The following PRAC2 variants were observed in gnomAD, a reference collection of about 807,000 sequenced individuals.
PRAC2 encodes protein PRAC2.
For synonymous variants in PRAC2, 43 were observed against 49.5 expected (o/e 0.87, Z 0.55); for missense variants, 92 against 114.5 (o/e 0.80, Z 0.90).
At chr17:48,721,978 A>G, upstream of PRAC2, 3 of 1,375,724 alleles carry the variant, frequency 2.2e-6, no homozygotes, top group Non-Finnish European at 2.9e-6. Context: ...CCAGGACTCC[A>G]TCCCATTGGA....
upstream of PRAC2, chr17:48,722,671 A>C: frequency 2.2e-6 from 1 of 447,178 alleles, no homozygotes; most frequent in South Asian, 2.7e-5. Context: ...CTCCCCGCAA[A>C]CCTCCGAATC....
chr17:48,719,847 G>C (rs1017287560), upstream of PRAC2, among the ~76,000 whole-genome samples: 2 of 152,108 alleles, frequency 1.3e-5, no homozygotes, highest in African/African-American at 4.8e-5. Context: ...AAAGCCGCGC[G>C]AGGCCCGGTT....
rs980321555 is a variant in PRAC2, at chr17:48,723,584, C to T, written c.-84+271C>T. The T allele has an allele frequency of 2.6e-5, 17 of 661,574 alleles. No homozygotes were observed. The African/African-American group carries it at 2.6e-4, about 10-fold the overall frequency. 41.0% of individuals were successfully genotyped at this position (661,574 alleles called of 1,614,324 possible). A position where few individuals can be genotyped will look rare whatever the true frequency, so the allele number is the denominator to read the frequency against. ...CCTGCTTCGAGGGCTTTCCAGCTTC[C>T]GGCCCGGGAACTACTATTTGGAGTA... On this transcript the variant is annotated intron_variant, in intron 1 of 1. Transcript: ENST00000422730.
chr17:48,720,564 A>T (rs1417230153), upstream of PRAC2, among the ~76,000 whole-genome samples: 2 of 152,186 alleles, frequency 1.3e-5, no homozygotes, highest in African/African-American at 4.8e-5. Flanking sequence ...CTCAGGTCAC[A>T]TATGGGGAAG....
chr17:48,719,189 A>G (rs1241461432), upstream of PRAC2, among the ~76,000 whole-genome samples: 1 of 148,624 alleles, frequency 6.7e-6, no homozygotes, highest in Non-Finnish European at 1.5e-5. Context: ...TTCTTTAAAC[A>G]CACTCGCACG....
At chr17:48,724,201 T>C (rs2143052813) in intron 1 of PRAC2, 127 bp from the exon 2 acceptor site, 2 of 449,634 alleles carry the variant, frequency 4.4e-6, no homozygotes, top group Non-Finnish European at 7.3e-6. Context: ...GATTTTGTTG[T>C]GATTTAAACA....
At position 48,724,435 on chromosome 17, in the gene PRAC2, C is replaced by A. The variant is rs775484364; in HGVS notation, c.25C>A (p.Arg9=). 3 of 1,234,298 alleles carry A rather than the reference C, an allele frequency of 2.4e-6. No individual in the cohort carries two copies. Among genetic ancestry groups the A allele is most frequent in the Non-Finnish European group, 3.0e-6 (3 of 988,152 alleles). 76.5% of individuals were successfully genotyped at this position (1,234,298 alleles called of 1,614,324 possible). A position where few individuals can be genotyped will look rare whatever the true frequency, so the allele number is the denominator to read the frequency against. The stretch of plus-strand genomic sequence containing the variant: ...CATGGACAGAAGGCGGATGGCTCTG[C>A]GGCCTGGCTCCCGCAGACCGACCGC... MDRRRMAL[R]PGSRRPTAFF... is the part of the protein sequence containing the mutation. Residue 9 remains arginine (R), a synonymous_variant, in exon 2 of 2, where the codon CGG becomes AGG. Transcript: ENST00000422730.
chr17:48,721,625 C>T (rs907749229), upstream of PRAC2: 19 of 539,992 alleles, frequency 3.5e-5, no homozygotes, highest in Admixed American at 4.2e-5. Flanking sequence ...ATGCCTGGCC[C>T]GTTTTTATTT....
upstream of PRAC2, chr17:48,722,235 G>A: frequency 1.7e-6 from 2 of 1,190,278 alleles, no homozygotes; most frequent in East Asian, 4.7e-5. Context: ...AAATTCCTGG[G>A]AGACCCTCTC....
At chr17:48,722,222 C>G (rs2038153159), upstream of PRAC2, 2 of 1,067,848 alleles carry the variant, frequency 1.9e-6, no homozygotes, top group Admixed American at 2.0e-5. Flanking sequence ...TCTGAAGGCT[C>G]CCAAATTCCT....
At chr17:48,721,493 T>C (rs1159235519), upstream of PRAC2, among the ~76,000 whole-genome samples, 1 of 152,142 alleles carries the variant, frequency 6.6e-6, no homozygotes, top group Non-Finnish European at 1.5e-5. Flanking sequence ...GCCCAGCTAA[T>C]TGTTGTATTT....
chr17:48,723,414 C>A (rs2038167265), intron 1 of PRAC2, 101 bp downstream of exon 1: 1 of 317,554 alleles, frequency 3.1e-6, no homozygotes, highest in African/African-American at 2.1e-5. Context: ...TGAAGGAAAC[C>A]CAATTAGAGT....
chr17:48,720,988 C>A (rs2038139780), upstream of PRAC2, among the ~76,000 whole-genome samples: 1 of 152,108 alleles, frequency 6.6e-6, no homozygotes, highest in Non-Finnish European at 1.5e-5. Context: ...GTTTCAATTT[C>A]TTTAGGTTAT....
chr17:48,722,388 A>C (rs143323056), upstream of PRAC2: 14 of 1,614,018 alleles, frequency 8.7e-6, no homozygotes, highest in Admixed American at 3.3e-5. Flanking sequence ...ATGGGCGCAC[A>C]ACATCGCTGT....
Position 48,724,445 on chromosome 17 carries a change from C to G in PRAC2, c.35C>G (p.Ser12Cys), listed in dbSNP as rs773085292. 4.1e-6 allele frequency: 5 copies of G among 1,234,132 alleles called. No homozygotes were observed. The highest frequency in any genetic ancestry group is 4.2e-5 in the Admixed American group (1 of 23,706). 76.4% of individuals were successfully genotyped at this position (1,234,132 alleles called of 1,614,324 possible). A position where few individuals can be genotyped will look rare whatever the true frequency, so the allele number is the denominator to read the frequency against. Residue 12 changes from serine to cysteine, a missense_variant, in exon 2 of 2, where the codon TCC becomes TGC. Transcript: ENST00000422730. The stretch of plus-strand genomic sequence containing the variant: ...AGGCGGATGGCTCTGCGGCCTGGCT[C>G]CCGCAGACCGACCGCCTTCTTCTTC... ...DRRRMALRPG[S>C]RRPTAFFFHS...
upstream of PRAC2, chr17:48,722,360 C>G: frequency 6.2e-7 from 1 of 1,614,194 alleles, no homozygotes; most frequent in Non-Finnish European, 8.5e-7. Context: ...TAAGATGGGC[C>G]GGTCCTTGAT....
chr17:48,719,641 A>C (rs928058526), upstream of PRAC2, among the ~76,000 whole-genome samples: 12 of 152,248 alleles, frequency 7.9e-5, no homozygotes, highest in African/African-American at 2.9e-4. Context: ...CCTGATTATT[A>C]AAATAAATTA....
upstream of PRAC2, among the ~76,000 whole-genome samples, chr17:48,719,809 G>A (rs1190843332): frequency 6.6e-6 from 1 of 152,130 alleles, no homozygotes; most frequent in Non-Finnish European, 1.5e-5. Flanking sequence ...GGTGTTCCCC[G>A]GAAGGCAAGG....
chr17:48,721,973 A>C, upstream of PRAC2: 1 of 1,394,400 alleles, frequency 7.2e-7, no homozygotes, highest in Non-Finnish European at 9.6e-7. Flanking sequence ...TTATGCCAGG[A>C]CTCCATCCCA....
Sources: allele counts gnomAD v4.1 joint callset (sites outside exome capture counted in the v4.1 genomes callset), GRCh38; gene constraint gnomAD v4.1.1; transcripts MANE v1.5; gene names NCBI Gene and HGNC (gene_info 2026-07-23, HGNC 2026-07-21).